Variants in TFB2M observed in about 807,000 individuals in gnomAD.
TFB2M encodes transcription factor B2, mitochondrial.
A neutral mutation model predicts 41.3 loss-of-function variants in TFB2M; 44 were observed. That is an observed-to-expected ratio of 1.07 (90% CI 0.84 to 1.37). The LOEUF is 1.37. Ranked by LOEUF, TFB2M falls within the 40% of genes most tolerant of loss-of-function variation. TFB2M has a pLI of 0.00. For synonymous variants in TFB2M, 188 were observed against 176.8 expected, an observed-to-expected ratio of 1.06 and a Z score of -0.50; for missense variants, 496 against 490.2, an observed-to-expected ratio of 1.01 and a Z score of -0.11.
chr1:246,544,516 C>G lies in TFB2M; in HGVS notation c.1019+5G>C, dbSNP rs781593280. The G allele has an allele frequency of 6.3e-7, 1 of 1,582,418 alleles. No individual in the cohort carries two copies. The highest frequency in any genetic ancestry group is 1.2e-5 in the South Asian group (1 of 84,596). On this transcript the variant is annotated splice_donor_5th_base_variant and intron_variant, in intron 7 of 7. Transcript: ENST00000366514. ...TTTATACTTGCTTTTATTCTTTTTA[C>G]TCACCGTAAGTGGTCTATTACAGTG... is the stretch of plus-strand genomic sequence containing the variant.
At chr1:246,548,635 C>T in intron 5 of TFB2M, 28 bp from the exon 6 acceptor site, 3 of 1,602,368 alleles carry the variant, frequency 1.9e-6, no homozygotes, top group South Asian at 1.1e-5. Context: ...AGCAAAACAA[C>T]ATCTTTTATT....
intron 6 of TFB2M, among the ~76,000 whole-genome samples, chr1:246,547,518 A>T (rs1659055929): frequency 2.0e-5 from 3 of 152,176 alleles, no homozygotes; most frequent in Non-Finnish European, 4.4e-5. Flanking sequence ...ATGACTGATC[A>T]CTCTAAAATC....
At position 246,540,846 on chromosome 1, in the gene TFB2M, A is replaced by C. The variant is rs1207073898; in HGVS notation, c.*185T>G. On this transcript the variant is annotated 3_prime_UTR_variant, in exon 8 of 8. Transcript: ENST00000366514. ...AAGTTTTCATTTTATTCAATTGTGA[A>C]TAAAATAGCAGACACTGTTTCATCC... 1.0e-5 allele frequency: 5 copies of C among 483,628 alleles called. No homozygotes were observed. Among genetic ancestry groups the C allele is most frequent in the South Asian group, 4.4e-5 (1 of 22,786 alleles). The allele number at this position is 483,628 out of a possible 1,614,324, so 30.0% of individuals were successfully genotyped here.
intron 7 of TFB2M, among the ~76,000 whole-genome samples, chr1:246,542,513 A>G (rs1392250353): frequency 6.6e-6 from 1 of 152,046 alleles, no homozygotes; most frequent in African/African-American, 2.4e-5. Context: ...CTCTACAAAA[A>G]TCGTAAAAAG....
chr1:246,564,406 AAGTAATGCCTG>A lies in TFB2M; in HGVS notation c.331_341del (p.Gln111Ter). On this transcript the variant is annotated frameshift_variant, in exon 2 of 8. Transcript: ENST00000366514. LOFTEE classifies it high-confidence loss of function. ...GCGCAACCACTTTGGCACCAGCTTC[AAGTAATGCCTG>A]AGTCAGGATTCCAGGACCTGGCACA... The A allele has an allele frequency of 1.2e-6, 2 of 1,614,208 alleles. No individual in the cohort carries two copies. Among genetic ancestry groups the A allele is most frequent in the Non-Finnish European group, 1.7e-6 (2 of 1,180,016 alleles).
chr1:246,564,502 C>T (rs1572094128), intron 1 of TFB2M, 68 bp from the exon 2 acceptor site: 1 of 1,413,500 alleles, frequency 7.1e-7, no homozygotes. Context: ...ACCAAACTTT[C>T]ATTAGATGTT....
intron 5 of TFB2M, among the ~76,000 whole-genome samples, chr1:246,548,832 A>T (rs189542194): frequency 2.0e-5 from 3 of 152,334 alleles, no homozygotes; most frequent in Admixed American, 2.0e-4. Flanking sequence ...TCTTTTCCTT[A>T]TTAAACATGA....
chr1:246,544,244 T>C, intron 7 of TFB2M, among the ~76,000 whole-genome samples: 1 of 152,174 alleles, frequency 6.6e-6, no homozygotes, highest in East Asian at 1.9e-4. Flanking sequence ...CAGCTAGTGC[T>C]TCCTGTAAGA....
At position 246,544,490 on chromosome 1, in the gene TFB2M, C is replaced by T. The variant is rs762107771; in HGVS notation, c.1019+31G>A. The T allele has an allele frequency of 1.9e-6, 3 of 1,564,022 alleles. No individual in the cohort carries two copies. In the East Asian group the frequency reaches 6.9e-5, roughly 36 times the overall value. ...AAGAATAATTTGTGCATCGTTGCTACTTTATACTTGCTTTTATTCTTTTTA... is the reference window on the plus strand; with the variant it reads ...AAGAATAATTTGTGCATCGTTGCTATTTTATACTTGCTTTTATTCTTTTTA... On this transcript the variant is annotated intron_variant, in intron 7 of 7. Transcript: ENST00000366514.
chr1:246,547,749 T>C (rs1438856375), intron 6 of TFB2M, among the ~76,000 whole-genome samples: 2 of 147,730 alleles, frequency 1.4e-5, no homozygotes, highest in East Asian at 1.9e-4. Context: ...AAAAATTGTT[T>C]TGTGAAACTT....
intron 4 of TFB2M, among the ~76,000 whole-genome samples, chr1:246,556,149 T>G (rs1462709788): frequency 6.6e-6 from 1 of 152,134 alleles, no homozygotes; most frequent in Non-Finnish European, 1.5e-5. Flanking sequence ...GCTATAACAT[T>G]GATGAACCTT....
chr1:246,549,256 TTG>T (rs1450041243), intron 5 of TFB2M, among the ~76,000 whole-genome samples: 4 of 152,060 alleles, frequency 2.6e-5, no homozygotes, highest in Non-Finnish European at 5.9e-5. Flanking sequence ...TATCTATCTT[TTG>T]TAAGAGAATT....
At chr1:246,552,360 C>T (rs945814743) in intron 4 of TFB2M, among the ~76,000 whole-genome samples, 31 of 152,112 alleles carry the variant, frequency 2.0e-4, no homozygotes, top group African/African-American at 6.8e-4. Context: ...ACACTCATAG[C>T]GAGATCAAGG....
intron 5 of TFB2M, among the ~76,000 whole-genome samples, chr1:246,549,675 T>G (rs1659118074): frequency 6.6e-6 from 1 of 152,200 alleles, no homozygotes. Context: ...AAGAGTGGGT[T>G]AAAATAGATC....
At chr1:246,559,347 G>C (rs750789259) in intron 2 of TFB2M, among the ~76,000 whole-genome samples, 3 of 152,174 alleles carry the variant, frequency 2.0e-5, no homozygotes, top group Non-Finnish European at 4.4e-5. Context: ...TCAGGAGTTT[G>C]AGATGAGCAC....
chr1:246,562,613 A>G (rs1213031301), intron 2 of TFB2M, among the ~76,000 whole-genome samples: 1 of 152,188 alleles, frequency 6.6e-6, no homozygotes, highest in African/African-American at 2.4e-5. Flanking sequence ...GAAGGGAGTC[A>G]TCTAAGACAA....
In TFB2M at chr1:246,566,022, C is replaced by A. The variant is rs1332162866; in HGVS notation, c.117G>T (p.Arg39Ser). 6.2e-7 allele frequency: 1 copy of A among 1,614,098 alleles called. No individual in the cohort carries two copies. The highest frequency in any genetic ancestry group is 1.3e-5 in the African/African-American group (1 of 74,938). The stretch of plus-strand genomic sequence containing the variant: ...AGGAGTCAGAGAGCCCACAGTGGTT[C>A]CTCGCCGGCAAATGCTTTCGCGTCG... ...EAATRKHLPA[R>S]NHCGLSDSSP... The change falls in exon 1 of 8, where the codon AGG (arginine) becomes AGT (serine). Residue 39 changes from arginine (R) to serine (S), a missense_variant. Transcript: ENST00000366514.
At chr1:246,552,428 G>A (rs556902523) in intron 4 of TFB2M, among the ~76,000 whole-genome samples, 12 of 152,272 alleles carry the variant, frequency 7.9e-5, no homozygotes, top group Admixed American at 5.2e-4. Context: ...TCTTAGGCTC[G>A]GTGTAATGGC....
intron 4 of TFB2M, among the ~76,000 whole-genome samples, chr1:246,555,103 T>C (rs540617902): frequency 2.0e-5 from 3 of 152,262 alleles, no homozygotes; most frequent in Non-Finnish European, 2.9e-5. Flanking sequence ...TCAACATGAC[T>C]AATTATTAGG....
Sources: allele counts gnomAD v4.1 joint callset (sites outside exome capture counted in the v4.1 genomes callset), GRCh38; gene constraint gnomAD v4.1.1; transcripts MANE v1.5; gene names NCBI Gene and HGNC (gene_info 2026-07-23, HGNC 2026-07-21).